Variants in NR6A1 observed in about 807,000 individuals in gnomAD.
NR6A1 encodes nuclear receptor subfamily 6 group A member 1.
NR6A1 carries 7 observed loss-of-function variants against 59.1 expected under a neutral mutation model. That is an observed-to-expected ratio of 0.12 (90% CI 0.07 to 0.22). The LOEUF (loss-of-function observed/expected upper bound fraction) is 0.22. Ranked by LOEUF, NR6A1 falls within the 10% of genes least tolerant of loss-of-function variation. NR6A1 has a pLI of 1.00. For missense variants in NR6A1, 468 were observed against 611.6 expected (o/e 0.77, Z 2.48); for synonymous variants, 243 against 236.1 (o/e 1.03, Z -0.27).
chr9:124,656,097 A>G (rs959651763), intron 2 of NR6A1, among the ~76,000 whole-genome samples: 3 of 152,120 alleles, frequency 2.0e-5, no homozygotes, highest in Non-Finnish European at 2.9e-5. Flanking sequence ...TGCTGGCTCT[A>G]TAACTCCCTG....
intron 2 of NR6A1, among the ~76,000 whole-genome samples, chr9:124,607,894 G>GTAAA (rs935866954): frequency 1.3e-5 from 2 of 152,010 alleles, no homozygotes; most frequent in South Asian, 2.1e-4. Flanking sequence ...AAATAAACAA[G>GTAAA]TAAATAAATA....
chr9:124,596,165 A>G (rs1419547895), intron 2 of NR6A1, among the ~76,000 whole-genome samples: 4 of 152,200 alleles, frequency 2.6e-5, no homozygotes, highest in Admixed American at 2.6e-4. Context: ...GGGTTCTGGT[A>G]TGTGGGGCTT....
At chr9:124,637,661 C>T (rs958459553) in intron 2 of NR6A1, among the ~76,000 whole-genome samples, 2 of 151,992 alleles carry the variant, frequency 1.3e-5, no homozygotes, top group African/African-American at 2.4e-5. Context: ...AAGGTCAAAG[C>T]GGGCAGATCA....
intron 2 of NR6A1, among the ~76,000 whole-genome samples, chr9:124,643,107 G>T (rs1047863073): frequency 7.9e-5 from 10 of 126,110 alleles, no homozygotes; most frequent in Admixed American, 7.9e-4. Flanking sequence ...CGGGTGGGGG[G>T]GGGGAACAAA....
chr9:124,534,841 C>G (rs963949166), intron 7 of NR6A1, among the ~76,000 whole-genome samples: 4 of 152,150 alleles, frequency 2.6e-5, no homozygotes, highest in African/African-American at 9.6e-5. Context: ...TTAAAAATAT[C>G]TAGTCTAGAC....
chr9:124,760,110 G>A (rs140543965), intron 1 of NR6A1, among the ~76,000 whole-genome samples: 2,275 of 150,408 alleles, frequency 0.015, 46 homozygotes, highest in African/African-American at 0.053. Flanking sequence ...TCACAAGTTC[G>A]AGACCAGCCT....
At chr9:124,713,781 C>T (rs1388634943) in intron 2 of NR6A1, among the ~76,000 whole-genome samples, 1 of 152,194 alleles carries the variant, frequency 6.6e-6, no homozygotes, top group Non-Finnish European at 1.5e-5. Flanking sequence ...CCCTAGAGCA[C>T]TGCTGATGAG....
intron 2 of NR6A1, among the ~76,000 whole-genome samples, chr9:124,656,525 G>A (rs1837263028): frequency 6.6e-6 from 1 of 152,080 alleles, no homozygotes; most frequent in African/African-American, 2.4e-5. Context: ...GGTATCTAGA[G>A]TAGTCAAAAA....
intron 1 of NR6A1, among the ~76,000 whole-genome samples, chr9:124,764,572 G>A (rs1411954401): frequency 1.3e-5 from 2 of 152,124 alleles, no homozygotes; most frequent in Admixed American, 6.5e-5. Flanking sequence ...GAAGAATTTA[G>A]TTGTGCATTT....
intron 2 of NR6A1, among the ~76,000 whole-genome samples, chr9:124,627,764 G>A (rs1488279033): frequency 2.0e-5 from 3 of 151,772 alleles, no homozygotes; most frequent in Non-Finnish European, 4.4e-5. Context: ...GTACAAACGG[G>A]GCCTTGTCAT....
At chr9:124,560,347 G>A (rs1460446528) in intron 2 of NR6A1, among the ~76,000 whole-genome samples, 5 of 151,956 alleles carry the variant, frequency 3.3e-5, no homozygotes, top group South Asian at 2.1e-4. Context: ...TGTCATTCTG[G>A]TCTATTGAAA....
intron 4 of NR6A1, among the ~76,000 whole-genome samples, chr9:124,541,273 C>T (rs759102626): frequency 1.4e-4 from 22 of 151,984 alleles, no homozygotes; most frequent in Admixed American, 2.6e-4. Context: ...TCCCATAACT[C>T]AGGAACAGAA....
At chr9:124,665,941 A>G (rs910878124) in intron 2 of NR6A1, among the ~76,000 whole-genome samples, 2 of 152,212 alleles carry the variant, frequency 1.3e-5, no homozygotes, top group African/African-American at 4.8e-5. Flanking sequence ...GTTGTTACCA[A>G]TGGGGTAAAG....
chr9:124,578,392 A>G (rs557864265), intron 2 of NR6A1, among the ~76,000 whole-genome samples: 4 of 152,328 alleles, frequency 2.6e-5, no homozygotes, highest in East Asian at 3.9e-4. Context: ...TACCTCCCAT[A>G]TCAACATGTT....
rs1400331090 is a variant in NR6A1, at chr9:124,645,632, A to ATC, written c.142+87675_142+87676insGA. 2.6e-5 allele frequency among the ~76,000 whole-genome samples: 4 copies of ATC among 152,344 alleles called. No individual in the cohort carries two copies. The East Asian group carries it at 7.7e-4, about 29-fold the overall frequency. On this transcript the variant is annotated intron_variant, in intron 2 of 9. Coordinates refer to ENST00000487099, the MANE Select transcript of NR6A1 (RefSeq NM_033334.4). ...TGTATGCACCTAGTAACAGAATGTC[A>ATC]AAATACCTGAAGCAAAACCTGATAG...
chr9:124,648,585 A>G (rs1398849203), intron 2 of NR6A1, among the ~76,000 whole-genome samples: 1 of 152,158 alleles, frequency 6.6e-6, no homozygotes, highest in Non-Finnish European at 1.5e-5. Context: ...TGAATGTATA[A>G]GCCAGAGCAA....
Position 124,771,039 on chromosome 9 carries a change from G to A in NR6A1, c.81C>T (p.Leu27=). 1 of 1,230,454 alleles carries A rather than the reference G, an allele frequency of 8.1e-7. No individual in the cohort carries two copies. Among genetic ancestry groups the A allele is most frequent in the Non-Finnish European group, 1.0e-6 (1 of 987,030 alleles). 76.2% of individuals were successfully genotyped at this position (1,230,454 alleles called of 1,614,324 possible). A position where few individuals can be genotyped will look rare whatever the true frequency, so the allele number is the denominator to read the frequency against. The part of the protein sequence containing the change: ...SAGFLEPPAA[L]PPPPRNGFCQ... ...ACCCACCGTTGCGCGGCGGCGGAGGGAGCGCGGCGGGAGGCTCCAGGAACC... is the reference window on the plus strand; with the variant it reads ...ACCCACCGTTGCGCGGCGGCGGAGGAAGCGCGGCGGGAGGCTCCAGGAACC... The change falls in exon 1 of 10, where the codon CTC becomes CTT. Residue 27 remains leucine, a synonymous_variant. Coordinates refer to ENST00000487099, the MANE Select transcript of NR6A1 (RefSeq NM_033334.4).
chr9:124,704,455 G>A (rs928730090), intron 2 of NR6A1, among the ~76,000 whole-genome samples: 1 of 152,100 alleles, frequency 6.6e-6, no homozygotes, highest in Non-Finnish European at 1.5e-5. Context: ...CTGTTGCCCA[G>A]GCTGGAATAC....
chr9:124,633,955 A>G (rs1224641409), intron 2 of NR6A1, among the ~76,000 whole-genome samples: 3 of 152,260 alleles, frequency 2.0e-5, no homozygotes, highest in African/African-American at 4.8e-5. Context: ...CTGTTAAAGG[A>G]ACAGACAATA....
Sources: allele counts gnomAD v4.1 joint callset (sites outside exome capture counted in the v4.1 genomes callset), GRCh38; gene constraint gnomAD v4.1.1; transcripts MANE v1.5; gene names NCBI Gene and HGNC (gene_info 2026-07-23, HGNC 2026-07-21).